The following SUMF1 variants were observed in gnomAD, a reference collection of about 807,000 sequenced individuals.
SUMF1 encodes the protein sulfatase modifying factor 1.
In SUMF1, 48 loss-of-function variants were observed where a neutral mutation model predicts 47.6. The ratio of observed to expected loss-of-function variants is 1.01; its 90% CI spans 0.80 to 1.28. SUMF1 has a LOEUF of 1.28. Ranked by LOEUF, SUMF1 falls within the 50% of genes most tolerant of loss-of-function variation. The pLI is 0.00. For missense variants in SUMF1, 571 were observed against 485.4 expected, an observed-to-expected ratio of 1.18 and a Z score of -1.66; for synonymous variants, 230 against 192.1, an observed-to-expected ratio of 1.20 and a Z score of -1.63.
intron 8 of SUMF1, chr3:4,313,673 C>T (rs752256260): frequency 1.7e-5 from 28 of 1,613,852 alleles, no homozygotes; most frequent in South Asian, 8.8e-5. Flanking sequence ...GTAGAAAAGT[C>T]GAACATCAGT....
At chr3:4,214,783 C>CT (rs988395025) in intron 8 of SUMF1, among the ~76,000 whole-genome samples, 7 of 93,134 alleles carry the variant, frequency 7.5e-5, no homozygotes, top group Non-Finnish European at 1.3e-4. Flanking sequence ...CGAAAATAAG[C>CT]TAAAAAACCT....
chr3:4,430,954 T>C (rs1702214477), intron 3 of SUMF1, among the ~76,000 whole-genome samples: 2 of 152,188 alleles, frequency 1.3e-5, no homozygotes, highest in Admixed American at 6.5e-5. Flanking sequence ...TTAAATAAAA[T>C]GTACCAAAGA....
chr3:4,261,060 T>C (rs1441533997), intron 8 of SUMF1, among the ~76,000 whole-genome samples: 4 of 152,104 alleles, frequency 2.6e-5, no homozygotes, highest in Admixed American at 6.5e-5. Context: ...CAATAACTAA[T>C]ACTCACCCTA....
At chr3:4,216,428 C>T (rs1473337685) in intron 8 of SUMF1, among the ~76,000 whole-genome samples, 1 of 152,014 alleles carries the variant, frequency 6.6e-6, no homozygotes, top group African/African-American at 2.4e-5. Flanking sequence ...GACCTAAAAC[C>T]ATAAAAATCC....
intron 3 of SUMF1, among the ~76,000 whole-genome samples, chr3:4,421,618 CA>C: frequency 6.6e-6 from 1 of 152,198 alleles, no homozygotes; most frequent in Middle Eastern, 3.4e-3. Flanking sequence ...TACCTGGGAC[CA>C]CAGGTGTGCG....
At chr3:4,077,903 G>A (rs1030256646) in intron 8 of SUMF1, among the ~76,000 whole-genome samples, 7 of 151,984 alleles carry the variant, frequency 4.6e-5, no homozygotes, top group Non-Finnish European at 7.4e-5. Context: ...TAAATAGTAA[G>A]TAAAAAGACC....
At chr3:4,339,132 G>A (rs1221199861) in intron 8 of SUMF1, among the ~76,000 whole-genome samples, 1 of 152,124 alleles carries the variant, frequency 6.6e-6, no homozygotes, top group East Asian at 1.9e-4. Context: ...CCATTTCTGT[G>A]GCTCTCCTGT....
chr3:4,344,999 G>T (rs1319609387), intron 8 of SUMF1, among the ~76,000 whole-genome samples: 2 of 152,016 alleles, frequency 1.3e-5, no homozygotes, highest in Non-Finnish European at 2.9e-5. Flanking sequence ...AGAGTGAAAA[G>T]GAATGAACAA....
Position 4,129,081 on chromosome 3 carries a change from G to A in SUMF1, c.1015-60336C>T, listed in dbSNP as rs1469471884. The stretch of plus-strand genomic sequence containing the variant: ...TCATCCCAGCTGGGAGGATACAGAA[G>A]ATAAACCCTCGACCAATGCCTTGCA... On this transcript the variant is annotated intron_variant and NMD_transcript_variant, in intron 8 of 12. Coordinates refer to the SUMF1 transcript ENST00000448413. 2.6e-5 allele frequency among the ~76,000 whole-genome samples: 4 copies of A among 152,154 alleles called. No homozygotes were observed. The East Asian group carries it at 7.7e-4, about 29-fold the overall frequency.
At chr3:4,316,338 G>A in intron 8 of SUMF1, 5 of 1,433,142 alleles carry the variant, frequency 3.5e-6, no homozygotes, top group Non-Finnish European at 4.8e-6. Flanking sequence ...AACTGCTAAC[G>A]AACGTACAGT....
intron 8 of SUMF1, among the ~76,000 whole-genome samples, chr3:4,273,761 G>GGGAGGATACGGGAGGGGAGGATACGGGA (rs1697354124): frequency 3.6e-5 from 2 of 55,422 alleles, no homozygotes; most frequent in South Asian, 7.7e-4. Context: ...GGATACGGGA[G>GGGAGGATACGGGAGGGGAGGATACGGGA]GGGAGGATAC....
chr3:4,298,393 C>G lies in SUMF1; in HGVS notation c.1014+77937G>C, dbSNP rs1575062551. Among the ~76,000 whole-genome samples, 4 of 152,272 alleles carry G rather than the reference C, an allele frequency of 2.6e-5. 1 individual carries two copies. Among genetic ancestry groups the G allele is most frequent in the African/African-American group, 9.6e-5 (4 of 41,558 alleles). On this transcript the variant is annotated intron_variant and NMD_transcript_variant, in intron 8 of 12. Coordinates refer to the SUMF1 transcript ENST00000448413. ...TTTTAATCTCATACTCTATAAAATA[C>G]TTTTGGATCCTCTGCCAGCAAGATA...
At chr3:4,463,794 A>G (rs1368261388) in intron 1 of SUMF1, among the ~76,000 whole-genome samples, 4 of 152,262 alleles carry the variant, frequency 2.6e-5, no homozygotes, top group African/African-American at 9.6e-5. Flanking sequence ...TAACTCTTCT[A>G]AAAGATAAAA....
intron 8 of SUMF1, among the ~76,000 whole-genome samples, chr3:4,134,344 C>T (rs1054199723): frequency 3.3e-5 from 5 of 151,958 alleles, no homozygotes; most frequent in Admixed American, 6.6e-5. Context: ...ACATGGAAAA[C>T]GAACAACCTG....
chr3:4,377,016 G>A (rs1220890545), intron 7 of SUMF1, among the ~76,000 whole-genome samples: 1 of 152,032 alleles, frequency 6.6e-6, no homozygotes, highest in Non-Finnish European at 1.5e-5. Flanking sequence ...GCCCAGGCTG[G>A]TCTTGAACTA....
At chr3:4,052,052 C>G (rs1017830687) in intron 9 of SUMF1, among the ~76,000 whole-genome samples, 1 of 152,104 alleles carries the variant, frequency 6.6e-6, no homozygotes, top group Non-Finnish European at 1.5e-5. Context: ...CATGCCAAAG[C>G]TGGTTGGCTT....
chr3:4,358,686 G>A (rs1699676325), downstream of SUMF1, among the ~76,000 whole-genome samples: 1 of 152,210 alleles, frequency 6.6e-6, no homozygotes, highest in Non-Finnish European at 1.5e-5. Flanking sequence ...TTCAAGAACT[G>A]CTACACTTTC....
chr3:4,425,873 C>T (rs954279926), intron 3 of SUMF1, among the ~76,000 whole-genome samples: 3 of 152,202 alleles, frequency 2.0e-5, no homozygotes, highest in African/African-American at 7.2e-5. Context: ...AAAGGCACGC[C>T]TTACATGGCA....
chr3:4,395,542 A>T (rs999775014), intron 7 of SUMF1, among the ~76,000 whole-genome samples: 1 of 152,182 alleles, frequency 6.6e-6, no homozygotes, highest in Admixed American at 6.5e-5. Flanking sequence ...CTAGAGATCA[A>T]ATTGGAAAGA....
Sources: allele counts gnomAD v4.1 joint callset (sites outside exome capture counted in the v4.1 genomes callset), GRCh38; gene constraint gnomAD v4.1.1; transcripts MANE v1.5; gene names NCBI Gene and HGNC (gene_info 2026-07-23, HGNC 2026-07-21).